CALCR: variants seen among roughly 807,000 people sequenced by gnomAD.
The protein encoded by CALCR is calcitonin receptor.
Under a neutral mutation model 59.5 loss-of-function variants are expected in CALCR, and 47 were observed. That is an observed-to-expected ratio of 0.79 (90% confidence interval 0.63 to 1.01). CALCR has a LOEUF of 1.01. Ranked by LOEUF, CALCR falls within the 50% of genes least tolerant of loss-of-function variation. CALCR has a pLI of 0.00. For missense variants in CALCR, 566 were observed against 597.1 expected (o/e 0.95, Z 0.54); for synonymous variants, 213 against 211.3 (o/e 1.01, Z -0.07).
intron 8 of CALCR, among the ~76,000 whole-genome samples, chr7:93,448,889 G>A (rs1169552129): frequency 6.6e-6 from 1 of 151,900 alleles, no homozygotes; most frequent in East Asian, 1.9e-4. Flanking sequence ...AATTCGCATG[G>A]ACAAAACTGA....
chr7:93,436,275 T>C, intron 11 of CALCR, 105 bp from the exon 12 acceptor site: 2 of 880,326 alleles, frequency 2.3e-6, no homozygotes, highest in East Asian at 2.6e-5. Flanking sequence ...AAATGTTACC[T>C]ACATAGAACA....
chr7:93,502,315 C>T (rs1485321767), intron 2 of CALCR, among the ~76,000 whole-genome samples: 13 of 152,122 alleles, frequency 8.5e-5, no homozygotes, highest in Admixed American at 8.5e-4. Context: ...TAAGATCTCA[C>T]AGTCAATAAG....
At chr7:93,526,863 T>A (rs1482197707) in intron 2 of CALCR, among the ~76,000 whole-genome samples, 2 of 152,084 alleles carry the variant, frequency 1.3e-5, no homozygotes, top group South Asian at 4.1e-4. Flanking sequence ...CATGAGATTG[T>A]GACCAATTAA....
At chr7:93,493,468 T>C (rs933831978) in intron 2 of CALCR, among the ~76,000 whole-genome samples, 4 of 151,412 alleles carry the variant, frequency 2.6e-5, no homozygotes, top group Non-Finnish European at 5.9e-5. Context: ...TTTTGGGATC[T>C]TTTCAAACAT....
At chr7:93,488,585 A>C (rs1801002265) in intron 2 of CALCR, among the ~76,000 whole-genome samples, 1 of 146,758 alleles carries the variant, frequency 6.8e-6, no homozygotes, top group South Asian at 2.2e-4. Flanking sequence ...ATGGAAAGAA[A>C]AAAAAAAAAA....
rs976612735 is a variant in CALCR, at chr7:93,429,270, T to C, written c.1192-2681A>G. 5.5e-4 allele frequency among the ~76,000 whole-genome samples: 83 copies of C among 152,212 alleles called. 1 individual carries two copies. Among genetic ancestry groups the C allele is most frequent in the Admixed American group, 2.0e-4 (3 of 15,280 alleles). On this transcript the variant is annotated intron_variant, in intron 13 of 13. Transcript: ENST00000426151. ...CTACAATATCACAGGTTGAGTCTGA[T>C]GCTGCTCTGATGACAAGAATAAGGG...
At chr7:93,444,532 G>A (rs932281156) in intron 8 of CALCR, among the ~76,000 whole-genome samples, 59 of 151,918 alleles carry the variant, frequency 3.9e-4, no homozygotes, top group African/African-American at 7.2e-4. Flanking sequence ...TTGTTGTTGC[G>A]GGGGCTGCCT....
At chr7:93,532,840 A>AAAAAAAAAAC (rs1788880806) in intron 2 of CALCR, among the ~76,000 whole-genome samples, 1 of 38,130 alleles carries the variant, frequency 2.6e-5, no homozygotes, top group African/African-American at 9.1e-5. Flanking sequence ...GTCCAAAGCA[A>AAAAAAAAAAC]AAAAAAAAAA....
chr7:93,554,767 A>ATG (rs1789547987), intron 2 of CALCR, among the ~76,000 whole-genome samples: 5 of 84,238 alleles, frequency 5.9e-5, no homozygotes, highest in South Asian at 7.3e-4. Context: ...TTGCCAGGCC[A>ATG]TGTATATATA....
At position 93,477,554 on chromosome 7, in the gene CALCR, C is replaced by T; in HGVS notation, c.316+4G>A. 2 of 1,579,194 alleles carry T rather than the reference C, an allele frequency of 1.3e-6. No homozygotes were observed. The highest frequency in any genetic ancestry group is 1.7e-6 in the Non-Finnish European group (2 of 1,149,836). The stretch of plus-strand genomic sequence containing the variant: ...AGAACATAAAATGAAAATAAACACT[C>T]TACCTGATGGATCAAAATCCGGAAA... On this transcript the variant is annotated splice_donor_region_variant and intron_variant, in intron 5 of 13. Transcript: ENST00000426151.
At chr7:93,564,065 T>C (rs1789804861) in intron 2 of CALCR, among the ~76,000 whole-genome samples, 1 of 152,250 alleles carries the variant, frequency 6.6e-6, no homozygotes, top group South Asian at 2.1e-4. Flanking sequence ...CCAGTTTTCT[T>C]GAAAGTTTTC....
chr7:93,556,518 G>A (rs1252887897), intron 2 of CALCR, among the ~76,000 whole-genome samples: 2 of 151,842 alleles, frequency 1.3e-5, no homozygotes, highest in Non-Finnish European at 2.9e-5. Context: ...ATGTGTAAAA[G>A]TTTTCCCTCA....
intron 6 of CALCR, among the ~76,000 whole-genome samples, chr7:93,470,583 A>C (rs1309947315): frequency 6.6e-6 from 1 of 151,712 alleles, no homozygotes; most frequent in African/African-American, 2.4e-5. Flanking sequence ...AGAGTTGTCT[A>C]AATGTGTAAG....
chr7:93,462,198 C>A, intron 7 of CALCR: 2 of 644,520 alleles, frequency 3.1e-6, no homozygotes, highest in South Asian at 2.0e-5. Flanking sequence ...TTTCGGGAAG[C>A]GATTATAGTA....
intron 5 of CALCR, among the ~76,000 whole-genome samples, chr7:93,475,560 A>G (rs1432493443): frequency 6.6e-6 from 1 of 151,842 alleles, no homozygotes; most frequent in Non-Finnish European, 1.5e-5. Context: ...TTTAAATAAA[A>G]TGAATGTAAT....
chr7:93,464,470 C>T (rs1425235742), intron 7 of CALCR, among the ~76,000 whole-genome samples: 1 of 151,772 alleles, frequency 6.6e-6, no homozygotes, highest in East Asian at 1.9e-4. Flanking sequence ...TACCTAGGAT[C>T]ACGTGTTATT....
chr7:93,491,673 C>G (rs147207592), intron 2 of CALCR, among the ~76,000 whole-genome samples: 3 of 151,776 alleles, frequency 2.0e-5, no homozygotes, highest in Non-Finnish European at 4.4e-5. Context: ...CTGATCATTA[C>G]AGAAATGTAA....
At chr7:93,454,229 C>A (rs1280029684) in intron 8 of CALCR, among the ~76,000 whole-genome samples, 1 of 151,976 alleles carries the variant, frequency 6.6e-6, no homozygotes, top group Non-Finnish European at 1.5e-5. Context: ...TGGCTCTGAG[C>A]ATCCATTCTA....
At chr7:93,464,547 G>A (rs899859414) in intron 7 of CALCR, among the ~76,000 whole-genome samples, 1 of 151,776 alleles carries the variant, frequency 6.6e-6, no homozygotes, top group African/African-American at 2.4e-5. Flanking sequence ...TAAAACTCCT[G>A]GGAAAATTCA....
Sources: gnomAD v4.1 joint callset for allele counts (sites outside exome capture counted in the v4.1 genomes callset) on GRCh38, gnomAD v4.1.1 for gene constraint, MANE v1.5 for transcripts, NCBI Gene and HGNC (gene_info 2026-07-23, HGNC 2026-07-21) for gene names.